The following IGF2BP1 variants were observed in gnomAD, a reference collection of about 807,000 sequenced individuals.
IGF2BP1 encodes insulin like growth factor 2 mRNA binding protein 1.
Under a neutral mutation model 74.9 loss-of-function variants are expected in IGF2BP1, and 11 were observed. The ratio of observed to expected loss-of-function variants is 0.15; its 90% CI spans 0.09 to 0.24. The LOEUF is 0.24. Among genes scored for constraint, IGF2BP1 ranks in the 10% least tolerant of loss-of-function variants. The pLI is 1.00. For missense variants in IGF2BP1, 440 were observed against 757.4 expected (o/e 0.58, Z 4.92); for synonymous variants, 287 against 281.8 (o/e 1.02, Z -0.18).
At chr17:49,043,583 G>A (rs2042076647) in intron 10 of IGF2BP1, 33 bp downstream of exon 10, 2 of 1,609,648 alleles carry the variant, frequency 1.2e-6, no homozygotes, top group African/African-American at 1.3e-5. Context: ...CGGGATCCCT[G>A]GGCCCATATG....
At chr17:49,008,419 C>T (rs1333464372) in intron 2 of IGF2BP1, among the ~76,000 whole-genome samples, 1 of 152,090 alleles carries the variant, frequency 6.6e-6, no homozygotes, top group Non-Finnish European at 1.5e-5. Context: ...TATTTATTAC[C>T]ATTTGGTTAA....
rs981273747 is a variant in IGF2BP1, at chr17:49,029,384, A to G, written c.338-2526A>G. ...AATCCGAGGACTTTGGGAGGCTGAG[A>G]TGGGAGGAATAGCTTTAGCCCAGGA... On this transcript the variant is annotated intron_variant, in intron 4 of 14. Transcript: ENST00000290341. Among the ~76,000 whole-genome samples, 3 of 152,220 alleles carry G rather than the reference A, an allele frequency of 2.0e-5. No homozygotes were observed. The East Asian group carries it at 5.8e-4, about 29-fold the overall frequency.
rs139369237 is a variant in IGF2BP1 at position 49,024,349 on chromosome 17, G to C, written c.237-1269G>C. ...GGATCACTCGATCGCAGCAGGTCTA[G>C]GCTGCAGTGAGCTGTGTTTATGCCA... is the stretch of plus-strand genomic sequence containing the variant. On this transcript the variant is annotated intron_variant, in intron 2 of 14. Transcript: ENST00000290341. 3.9e-3 allele frequency among the ~76,000 whole-genome samples: 593 copies of C among 152,216 alleles called. 4 individuals carry two copies. The highest frequency in any genetic ancestry group is 6.9e-3 in the South Asian group (33 of 4,812).
chr17:49,036,913 G>T (rs2041996130), intron 5 of IGF2BP1: 1 of 175,158 alleles, frequency 5.7e-6, no homozygotes, highest in Non-Finnish European at 1.2e-5. Flanking sequence ...ACTGCAGCCT[G>T]GGCAATGAGC....
intron 2 of IGF2BP1, among the ~76,000 whole-genome samples, chr17:49,016,792 C>T (rs1159493294): frequency 4.0e-5 from 5 of 124,474 alleles, no homozygotes; most frequent in Admixed American, 1.6e-4. Context: ...CCCGCCAGCC[C>T]GCCCGCCCGC....
chr17:49,035,445 G>A (rs2041975104), intron 5 of IGF2BP1, among the ~76,000 whole-genome samples: 1 of 152,234 alleles, frequency 6.6e-6, no homozygotes, highest in Non-Finnish European at 1.5e-5. Flanking sequence ...AACTAAGATT[G>A]GAATACTGGT....
intron 1 of IGF2BP1, among the ~76,000 whole-genome samples, chr17:48,998,550 G>A (rs1037715850): frequency 2.6e-5 from 4 of 152,144 alleles, no homozygotes; most frequent in South Asian, 2.1e-4. Context: ...TTCCCGAGAC[G>A]CCGAGGCTGG....
At chr17:49,024,026 C>T (rs1013074820) in intron 2 of IGF2BP1, among the ~76,000 whole-genome samples, 1 of 151,088 alleles carries the variant, frequency 6.6e-6, no homozygotes, top group Non-Finnish European at 1.5e-5. Context: ...AAGCGATCCT[C>T]CTGCCTCAGC....
At chr17:49,001,611 C>A (rs1326063794) in intron 2 of IGF2BP1, among the ~76,000 whole-genome samples, 2 of 152,128 alleles carry the variant, frequency 1.3e-5, no homozygotes, top group African/African-American at 2.4e-5. Context: ...TGCATTTCAA[C>A]TGAAAACAGC....
At chr17:49,016,805 CCCTGTCCTCCTGCCCCCCCG>C (rs1045768167) in intron 2 of IGF2BP1, among the ~76,000 whole-genome samples, 8 of 130,868 alleles carry the variant, frequency 6.1e-5, no homozygotes, top group Non-Finnish European at 9.8e-5. Context: ...CCGCCCGCCC[CCCTGTCCTCCTGCCCCCCCG>C]CCTGTCCTCC....
At position 49,052,984 on chromosome 17, in the gene IGF2BP1, C is replaced by T. The variant is rs1316752261; in HGVS notation, c.*3540C>T. The stretch of plus-strand genomic sequence containing the variant: ...GTTACACCCCAAATGGCTTTAATCC[C>T]CTCTCGGGTCTGGTTGCCTTTTGCA... On this transcript the variant is annotated 3_prime_UTR_variant, in exon 15 of 15. Coordinates refer to ENST00000290341, the MANE Select transcript of IGF2BP1 (RefSeq NM_006546.4). 1 of 152,204 alleles carries T rather than the reference C, an allele frequency of 6.6e-6. No homozygotes were observed. Among genetic ancestry groups the T allele is most frequent in the Non-Finnish European group, 1.5e-5 (1 of 68,048 alleles). 9.4% of individuals were successfully genotyped at this position (152,204 alleles called of 1,614,324 possible). A position where few individuals can be genotyped will look rare whatever the true frequency, so the allele number is the denominator to read the frequency against.
At chr17:49,036,419 A>G (rs553671033) in intron 5 of IGF2BP1, 1 of 152,186 alleles carries the variant, frequency 6.6e-6, no homozygotes, top group Non-Finnish European at 1.5e-5. Flanking sequence ...CCCTGCGCGA[A>G]GATGGCACGC....
Position 49,045,968 on chromosome 17 carries a change from A to T in IGF2BP1, c.1474A>T (p.Ile492Leu). The T allele has an allele frequency of 6.2e-7, 1 of 1,614,184 alleles. No homozygotes were observed. The highest frequency in any genetic ancestry group is 1.3e-5 in the African/African-American group (1 of 75,056). Reference protein sequence around the residue: ...PKEEVKLETHIRVPASAAGRV... With the variant: ...PKEEVKLETHLRVPASAAGRV... ...GGAGGAAGTGAAGCTGGAGACCCAC[A>T]TACGTGTGCCAGCATCAGCAGCTGG... The change falls in exon 13 of 15, where the codon ATA becomes TTA. Residue 492 changes from isoleucine (I) to leucine (L), a missense_variant. By Grantham distance (5) the Ile-to-Leu change is conservative. Around this residue, in one of 5 missense-constraint regions of IGF2BP1, gnomAD observed 117 missense variants for 237.2 expected, o/e 0.49. Transcript: ENST00000290341.
At chr17:49,017,373 A>G (rs2041719282) in intron 2 of IGF2BP1, among the ~76,000 whole-genome samples, 1 of 152,206 alleles carries the variant, frequency 6.6e-6, no homozygotes, top group South Asian at 2.1e-4. Flanking sequence ...ACTGTAGCAC[A>G]GTGCCCAGCA....
intron 2 of IGF2BP1, among the ~76,000 whole-genome samples, chr17:48,999,884 C>T (rs944454772): frequency 6.7e-6 from 1 of 149,678 alleles, no homozygotes; most frequent in Non-Finnish European, 1.5e-5. Context: ...AGGCTGTGAG[C>T]TGGGGCTCTT....
chr17:49,032,896 A>C (rs887194955), intron 5 of IGF2BP1, among the ~76,000 whole-genome samples: 11 of 151,892 alleles, frequency 7.2e-5, no homozygotes, highest in African/African-American at 2.7e-4. Context: ...GCTCACTGCA[A>C]CCTCAACCTC....
intron 6 of IGF2BP1, among the ~76,000 whole-genome samples, chr17:49,039,329 C>T (rs957676408): frequency 4.6e-5 from 7 of 152,136 alleles, no homozygotes; most frequent in Admixed American, 6.5e-5. Context: ...GGAATTCAAG[C>T]GGAAATGCAG....
Position 49,045,993 on chromosome 17 carries a change from G to T in IGF2BP1, c.1499G>T (p.Gly500Val). 1 of 1,614,166 alleles carries T rather than the reference G, an allele frequency of 6.2e-7. No individual in the cohort carries two copies. Among genetic ancestry groups the T allele is most frequent in the Non-Finnish European group, 8.5e-7 (1 of 1,180,046 alleles). ...ATACGTGTGCCAGCATCAGCAGCTG[G>T]CCGGGTCATTGGCAAAGGTGGAAAA... is the stretch of plus-strand genomic sequence containing the variant. ...THIRVPASAA[G>V]RVIGKGGKTV... Residue 500 changes from glycine (G) to valine (V), a missense_variant, in exon 13 of 15, where the codon GGC (glycine) becomes GTC (valine). This residue lies in a region of IGF2BP1 where 117 missense variants were observed against 237.2 expected (regional missense o/e 0.49). Transcript: ENST00000290341.
At position 49,051,008 on chromosome 17, in the gene IGF2BP1, C is replaced by A. The variant is rs886771830; in HGVS notation, c.*1564C>A. On this transcript the variant is annotated 3_prime_UTR_variant, in exon 15 of 15. Coordinates refer to ENST00000290341, the MANE Select transcript of IGF2BP1 (RefSeq NM_006546.4). Reference sequence around the variant, plus strand: ...TGGAGTTCCCCTCCTTTCAACATTGCAACAACAGTAACAACAAGACAACCG... The same window carrying A: ...TGGAGTTCCCCTCCTTTCAACATTGAAACAACAGTAACAACAAGACAACCG... 6.6e-6 allele frequency: 1 copy of A among 152,638 alleles called. No individual in the cohort carries two copies. Among genetic ancestry groups the A allele is most frequent in the Non-Finnish European group, 1.5e-5 (1 of 68,044 alleles). 9.5% of individuals were successfully genotyped at this position (152,638 alleles called of 1,614,324 possible). A position where few individuals can be genotyped will look rare whatever the true frequency, so the allele number is the denominator to read the frequency against.
Sources: allele counts gnomAD v4.1 joint callset (sites outside exome capture counted in the v4.1 genomes callset), GRCh38; gene constraint gnomAD v4.1.1; regional missense constraint gnomAD v4.1.1; transcripts MANE v1.5; gene names NCBI Gene and HGNC (gene_info 2026-07-23, HGNC 2026-07-21).